Variants in PTPRN observed in about 807,000 individuals in gnomAD.
The protein encoded by PTPRN is receptor-type tyrosine-protein phosphatase-like N.
A neutral mutation model predicts 108.5 loss-of-function variants in PTPRN; 70 were observed. The observed-to-expected ratio is 0.65, with a 90% CI of 0.53 to 0.79. The LOEUF is 0.79. PTPRN is among the 30% of genes least tolerant of loss of function. PTPRN has a pLI of 0.00. For missense variants in PTPRN, 1,136 were observed against 1,295.5 expected, an observed-to-expected ratio of 0.88 and a Z score of 1.89; for synonymous variants, 496 against 524.6, an observed-to-expected ratio of 0.95 and a Z score of 0.75.
At chr2:219,298,243 GC>G in intron 12 of PTPRN, 140 bp from the exon 13 acceptor site, 1 of 768,394 alleles carries the variant, frequency 1.3e-6, no homozygotes, top group Non-Finnish European at 2.1e-6. Context: ...TGGTGGTACA[GC>G]CAGATGGGCT....
chr2:219,304,582 G>A (rs956705638), intron 3 of PTPRN, among the ~76,000 whole-genome samples: 3 of 151,964 alleles, frequency 2.0e-5, no homozygotes, highest in Admixed American at 6.6e-5. Context: ...TCTAGTTCTG[G>A]ATTTAAAATC....
At chr2:219,303,113 GA>G (rs1337958148) in intron 4 of PTPRN, among the ~76,000 whole-genome samples, 2 of 152,190 alleles carry the variant, frequency 1.3e-5, no homozygotes, top group Non-Finnish European at 2.9e-5. Flanking sequence ...TGGGGATGGA[GA>G]AGGGGCAAAC....
intron 3 of PTPRN, among the ~76,000 whole-genome samples, chr2:219,305,781 C>A (rs1952469947): frequency 6.6e-6 from 1 of 152,192 alleles, no homozygotes; most frequent in African/African-American, 2.4e-5. Context: ...ACACCCCCAC[C>A]AAGTTGAACC....
chr2:219,308,983 A>G (rs1559307651), intron 1 of PTPRN: 4 of 1,507,034 alleles, frequency 2.7e-6, no homozygotes, highest in Admixed American at 4.1e-5. Context: ...CGAACCTGCA[A>G]TTTTCCCCAG....
intron 19 of PTPRN, chr2:219,291,797 G>A (rs1344621761): frequency 3.7e-6 from 2 of 534,208 alleles, no homozygotes; most frequent in Non-Finnish European, 6.7e-6. Flanking sequence ...TTTCTTACCT[G>A]TAAAATGGAG....
At position 219,289,923 on chromosome 2, in the gene PTPRN, A is replaced by C. The variant is rs563465552; in HGVS notation, c.*303T>G. 21,827 of 378,212 alleles carry C rather than the reference A, an allele frequency of 0.058. 813 individuals carry two copies. The highest frequency in any genetic ancestry group is 0.076 in the Middle Eastern group (97 of 1,270). 23.4% of individuals were successfully genotyped at this position (378,212 alleles called of 1,614,324 possible). A position where few individuals can be genotyped will look rare whatever the true frequency, so the allele number is the denominator to read the frequency against. On this transcript the variant is annotated 3_prime_UTR_variant, in exon 23 of 23. Transcript: ENST00000295718. The stretch of plus-strand genomic sequence containing the variant: ...ACTCCCAGAACCCCAGGAGAGCTAC[A>C]GGAGAGCCAGGCCAGGGAATGTAGG...
At chr2:219,304,116 G>A in intron 3 of PTPRN, 1 of 270,414 alleles carries the variant, frequency 3.7e-6, no homozygotes, top group Non-Finnish European at 7.0e-6. Context: ...CAATAAAATG[G>A]GGATTTATAC....
Position 219,290,567 on chromosome 2 carries a change from C to T in PTPRN, c.2839G>A (p.Asp947Asn). 6.4e-7 allele frequency: 1 copy of T among 1,551,752 alleles called. No individual in the cohort carries two copies. Among genetic ancestry groups the T allele is most frequent in the Non-Finnish European group, 8.7e-7 (1 of 1,147,002 alleles). ...GAGCGGACAAGGCCAGGCCGCTGGTCACGGACATGCTCCAGGGTGGCAGCG... is the reference window on the plus strand; with the variant it reads ...GAGCGGACAAGGCCAGGCCGCTGGTTACGGACATGCTCCAGGGTGGCAGCG... ...DIAATLEHVR[D>N]QRPGLVRSKD... Residue 947 changes from aspartate (D) to asparagine (N), a missense_variant, in exon 22 of 23, where the codon GAC (aspartate) becomes AAC (asparagine). Transcript: ENST00000295718. This position sits in a 1 kb window ranked among gnomAD's most constrained non-coding sequence, Gnocchi z 4.2.
chr2:219,308,063 CCT>C lies in PTPRN; in HGVS notation c.116-223_116-222del. On this transcript the variant is annotated intron_variant, in intron 1 of 22. Coordinates refer to ENST00000295718, the MANE Select transcript of PTPRN (RefSeq NM_002846.4). ...ATTTGTGAGTCTGTATCCTTAAAAG[CCT>C]CTGTTTGCTTAACTGAGTGATAGGG... 3 of 564,064 alleles carry C rather than the reference CCT, an allele frequency of 5.3e-6. 1 individual carries two copies. Among genetic ancestry groups the C allele is most frequent in the Middle Eastern group, 9.5e-4 (2 of 2,100 alleles). 34.9% of individuals were successfully genotyped at this position (564,064 alleles called of 1,614,324 possible).
chr2:219,301,488 G>A (rs929112352), intron 7 of PTPRN, 100 bp downstream of exon 7: 1 of 1,455,780 alleles, frequency 6.9e-7, no homozygotes, highest in Non-Finnish European at 9.3e-7. Context: ...CCTGAAGCCT[G>A]ACTCTTCCTC....
Position 219,307,457 on chromosome 2 carries a change from T to A in PTPRN, c.267A>T (p.Gln89His), listed in dbSNP as rs749548740. The A allele has an allele frequency of 6.2e-7, 1 of 1,613,988 alleles. No homozygotes were observed. Among genetic ancestry groups the A allele is most frequent in the Non-Finnish European group, 8.5e-7 (1 of 1,179,934 alleles). The stretch of plus-strand genomic sequence containing the variant: ...CCCAGACCTTACCTTGGGACATGAG[T>A]TGTCGGAGCACACCTTGTAAGCGTT... Reference protein sequence around the residue: ...VLQRLQGVLRQLMSQGLSWHD... With the variant: ...VLQRLQGVLRHLMSQGLSWHD... The change falls in exon 3 of 23, where the codon CAA (glutamine) becomes CAT (histidine). Residue 89 changes from glutamine to histidine, a missense_variant. Coordinates refer to ENST00000295718, the MANE Select transcript of PTPRN (RefSeq NM_002846.4).
chr2:219,300,804 G>T, intron 8 of PTPRN, 139 bp downstream of exon 8: 1 of 871,718 alleles, frequency 1.1e-6, no homozygotes, highest in Non-Finnish European at 1.8e-6. Flanking sequence ...GCAATAACTT[G>T]CGGTCTCTGG....
chr2:219,297,897 G>T lies in PTPRN; in HGVS notation c.1875C>A (p.Thr625=), dbSNP rs777275018. The change falls in exon 13 of 23, where the codon ACC becomes ACA. Residue 625 remains threonine, a synonymous_variant. Coordinates refer to ENST00000295718, the MANE Select transcript of PTPRN (RefSeq NM_002846.4). This position sits in a 1 kb window ranked among gnomAD's most constrained non-coding sequence, Gnocchi z 6.0. ...LGPEGAHGDT[T]FEYQDLCRQH... is the part of the protein sequence containing the mutation. Reference sequence around the variant, plus strand: ...TGGGGCTGCACACCTGGTACTCAAAGGTAGTGTCACCATGGGCCCCCTCAG... The same window carrying T: ...TGGGGCTGCACACCTGGTACTCAAATGTAGTGTCACCATGGGCCCCCTCAG... 71 of 1,609,598 alleles carry T rather than the reference G, an allele frequency of 4.4e-5. No homozygotes were observed. The highest frequency in any genetic ancestry group is 5.9e-5 in the Non-Finnish European group (70 of 1,178,934).
chr2:219,300,372 C>T (rs1163386419), intron 8 of PTPRN, 113 bp from the exon 9 acceptor site: 1 of 1,166,444 alleles, frequency 8.6e-7, no homozygotes, highest in African/African-American at 1.6e-5. Flanking sequence ...TTTCTACCCC[C>T]AGGGACCACT....
rs374992177 is a variant in PTPRN at position 219,297,130 on chromosome 2, T to C, written c.2091A>G (p.Ala697=). The C allele has an allele frequency of 3.1e-5, 50 of 1,613,880 alleles. No individual in the cohort carries two copies. The highest frequency in any genetic ancestry group is 4.0e-5 in the Non-Finnish European group (47 of 1,179,964). The change falls in exon 15 of 23, where the codon GCA becomes GCG. Residue 697 remains alanine, a splice_region_variant and synonymous_variant. Transcript: ENST00000295718. This position sits in a 1 kb window ranked among gnomAD's most constrained non-coding sequence, Gnocchi z 6.0. ...GGTTCCGCAGGTGATCCTCCATGTATGCCTGTGGGGGCACCACGGTCTGGC... is the reference window on the plus strand; with the variant it reads ...GGTTCCGCAGGTGATCCTCCATGTACGCCTGTGGGGGCACCACGGTCTGGC... ...MDISTGHMIL[A]YMEDHLRNRD...
intron 19 of PTPRN, chr2:219,292,825 A>G (rs1049170120): frequency 6.6e-6 from 1 of 152,338 alleles, no homozygotes; most frequent in East Asian, 1.9e-4. Flanking sequence ...CTGTTAGATC[A>G]GCCATTGCAA....
chr2:219,290,729 T>C lies in PTPRN; in HGVS notation c.2794+97A>G. 6.6e-7 allele frequency: 1 copy of C among 1,514,474 alleles called. No individual in the cohort carries two copies. Among genetic ancestry groups the C allele is most frequent in the Admixed American group, 1.7e-5 (1 of 58,510 alleles). 93.8% of individuals were successfully genotyped at this position (1,514,474 alleles called of 1,614,324 possible). On this transcript the variant is annotated intron_variant, in intron 21 of 22. Transcript: ENST00000295718. This position sits in a 1 kb window ranked among gnomAD's most constrained non-coding sequence, Gnocchi z 4.2. ...TGGAGGGCTGGGCAGAGCCTGGAGG[T>C]TGACAACCTGCTCCTTCTGAGCTCC...
chr2:219,301,730 C>T lies in PTPRN; in HGVS notation c.995-11G>A, dbSNP rs752416215. 1 of 1,603,436 alleles carries T rather than the reference C, an allele frequency of 6.2e-7. No individual in the cohort carries two copies. Among genetic ancestry groups the T allele is most frequent in the South Asian group, 1.1e-5 (1 of 90,688 alleles). On this transcript the variant is annotated splice_polypyrimidine_tract_variant and intron_variant, in intron 6 of 22. Coordinates refer to ENST00000295718, the MANE Select transcript of PTPRN (RefSeq NM_002846.4). ...TCTGCAGAGCCGCATCTGCTGGGAGCCAGACACAGAGCTTAGGGCTGATTG... is the reference window on the plus strand; with the variant it reads ...TCTGCAGAGCCGCATCTGCTGGGAGTCAGACACAGAGCTTAGGGCTGATTG...
chr2:219,302,831 G>A lies in PTPRN; in HGVS notation c.384C>T (p.Gly128=), dbSNP rs772681479. 2 of 1,611,566 alleles carry A rather than the reference G, an allele frequency of 1.2e-6. No individual in the cohort carries two copies. The highest frequency in any genetic ancestry group is 1.3e-5 in the African/African-American group (1 of 74,876). Residue 128 remains glycine, a synonymous_variant, in exon 5 of 23, where the codon GGC becomes GGT. Transcript: ENST00000295718. ...PPEPRPRDRS[G]LAPKRPGPAG... is the part of the protein sequence containing the mutation. ...CAGGACCAGGTCTCTTGGGTGCCAA[G>A]CCAGACCTGTAGAGGAAAGCAAAGT...
Sources: allele counts gnomAD v4.1 joint callset (sites outside exome capture counted in the v4.1 genomes callset), GRCh38; gene constraint gnomAD v4.1.1; non-coding constraint Gnocchi (gnomAD v3.1); transcripts MANE v1.5; gene names NCBI Gene and HGNC (gene_info 2026-07-23, HGNC 2026-07-21).